Variants in DEPTOR observed in about 807,000 individuals in gnomAD.
The protein encoded by DEPTOR is DEP domain-containing mTOR-interacting protein.
A neutral mutation model predicts 41.6 loss-of-function variants in DEPTOR; 41 were observed. The observed-to-expected ratio is 0.98, with a 90% CI of 0.77 to 1.28. The LOEUF is 1.28. Among genes scored for constraint, DEPTOR ranks in the 50% most tolerant of loss-of-function variants. DEPTOR has a pLI of 0.00. For synonymous variants in DEPTOR, 195 were observed against 192.3 expected, an observed-to-expected ratio of 1.01 and a Z score of -0.12; for missense variants, 514 against 527.9, an observed-to-expected ratio of 0.97 and a Z score of 0.26.
At chr8:120,003,458 G>A (rs1488742509) in intron 6 of DEPTOR, among the ~76,000 whole-genome samples, 1 of 152,118 alleles carries the variant, frequency 6.6e-6, no homozygotes, top group Non-Finnish European at 1.5e-5. Flanking sequence ...CATGACCTTG[G>A]GCAAAGCAGG....
intron 8 of DEPTOR, among the ~76,000 whole-genome samples, chr8:120,033,824 T>G (rs1338297816): frequency 6.6e-6 from 1 of 152,206 alleles, no homozygotes; most frequent in African/African-American, 2.4e-5. Flanking sequence ...GAGTGACTTC[T>G]TGAACTGAGT....
chr8:119,949,626 T>C (rs1828327584), intron 3 of DEPTOR, among the ~76,000 whole-genome samples: 1 of 152,214 alleles, frequency 6.6e-6, no homozygotes, highest in South Asian at 2.1e-4. Flanking sequence ...TTCTATGTAA[T>C]TATTGGCTAA....
At chr8:119,883,887 C>T (rs1317739697) in intron 1 of DEPTOR, among the ~76,000 whole-genome samples, 1 of 152,166 alleles carries the variant, frequency 6.6e-6, no homozygotes, top group African/African-American at 2.4e-5. Flanking sequence ...GAAACTATTA[C>T]AGCTATAGAG....
chr8:120,016,066 A>C (rs1812607497), intron 8 of DEPTOR, among the ~76,000 whole-genome samples: 1 of 152,144 alleles, frequency 6.6e-6, no homozygotes, highest in Admixed American at 6.5e-5. Context: ...TGCTTTAAAA[A>C]CAAAAACTTC....
intron 1 of DEPTOR, among the ~76,000 whole-genome samples, chr8:119,919,440 A>G (rs865921672): frequency 2.3e-4 from 35 of 152,298 alleles, no homozygotes; most frequent in African/African-American, 7.9e-4. Flanking sequence ...TCATTTTTAT[A>G]TATATTTGAA....
chr8:119,931,606 C>A (rs1299979014), intron 3 of DEPTOR, among the ~76,000 whole-genome samples: 1 of 152,158 alleles, frequency 6.6e-6, no homozygotes, highest in African/African-American at 2.4e-5. Flanking sequence ...GTCTCCGTTT[C>A]TTGAGGTGGA....
intron 8 of DEPTOR, among the ~76,000 whole-genome samples, chr8:120,022,020 C>T (rs1382799398): frequency 6.6e-6 from 1 of 151,944 alleles, no homozygotes; most frequent in African/African-American, 2.4e-5. Flanking sequence ...CGTAGTCAGC[C>T]ACTACTGGCA....
rs534342442 is a variant in DEPTOR at position 119,880,141 on chromosome 8, C to CAAAATAAAATAAAATAAAAT, written c.122+6202_122+6221dup. Among the ~76,000 whole-genome samples, 919 of 139,200 alleles carry CAAAATAAAATAAAATAAAAT rather than the reference C, an allele frequency of 6.6e-3. 18 individuals are homozygous for CAAAATAAAATAAAATAAAAT. The highest frequency in any genetic ancestry group is 0.024 in the African/African-American group (849 of 36,060). The allele number at this position is 139,200 out of a possible 152,430, so 91.3% of individuals were successfully genotyped here. ...TGGGTGACAGAGCGGGACTCCGTCT[C>CAAAATAAAATAAAATAAAAT]AAAATAAAATAAAATAAAATAAAAT... On this transcript the variant is annotated intron_variant, in intron 1 of 8. Transcript: ENST00000286234.
chr8:120,000,752 C>T (rs556965234), intron 4 of DEPTOR, among the ~76,000 whole-genome samples: 67 of 152,030 alleles, frequency 4.4e-4, no homozygotes, highest in African/African-American at 1.6e-3. Context: ...CTTGAGCCAC[C>T]GCACCTGGCC....
At chr8:119,958,031 T>A (rs1328532093) in intron 3 of DEPTOR, among the ~76,000 whole-genome samples, 3 of 152,240 alleles carry the variant, frequency 2.0e-5, no homozygotes, top group Non-Finnish European at 4.4e-5. Context: ...TGTGGTTTCA[T>A]GTATCTTTGC....
chr8:119,957,012 C>G (rs543431098), intron 3 of DEPTOR, among the ~76,000 whole-genome samples: 1 of 152,196 alleles, frequency 6.6e-6, no homozygotes, highest in African/African-American at 2.4e-5. Context: ...GCTGGGATTA[C>G]AGGCATGATT....
At chr8:119,912,448 A>G (rs973379059) in intron 1 of DEPTOR, among the ~76,000 whole-genome samples, 1 of 152,232 alleles carries the variant, frequency 6.6e-6, no homozygotes, top group African/African-American at 2.4e-5. Flanking sequence ...GAATCAATAA[A>G]TGTGTTTCGG....
At chr8:119,951,579 G>T (rs1241632979) in intron 3 of DEPTOR, among the ~76,000 whole-genome samples, 1 of 152,276 alleles carries the variant, frequency 6.6e-6, no homozygotes, top group East Asian at 1.9e-4. Flanking sequence ...ACACTAAAAA[G>T]TTCTCATCTT....
intron 1 of DEPTOR, among the ~76,000 whole-genome samples, chr8:119,903,843 A>G (rs570990236): frequency 6.6e-6 from 1 of 152,114 alleles, no homozygotes; most frequent in South Asian, 2.1e-4. Context: ...CTGCATTTCG[A>G]ATTTGGTCTT....
intron 1 of DEPTOR, among the ~76,000 whole-genome samples, chr8:119,905,226 T>A (rs1283799519): frequency 6.6e-6 from 1 of 152,076 alleles, no homozygotes; most frequent in East Asian, 1.9e-4. Context: ...AGCATGAGAT[T>A]CCAGACAGCT....
chr8:119,882,032 A>G (rs1827304458), intron 1 of DEPTOR, among the ~76,000 whole-genome samples: 1 of 152,174 alleles, frequency 6.6e-6, no homozygotes, highest in African/African-American at 2.4e-5. Flanking sequence ...CTGGGATTAC[A>G]GGCAAGCGCC....
At chr8:120,031,323 A>G (rs1306505077) in intron 8 of DEPTOR, among the ~76,000 whole-genome samples, 1 of 152,014 alleles carries the variant, frequency 6.6e-6, no homozygotes, top group Non-Finnish European at 1.5e-5. Flanking sequence ...AAATTAGCCA[A>G]GTGTGGTGGT....
intron 8 of DEPTOR, among the ~76,000 whole-genome samples, chr8:120,022,268 C>T (rs769175375): frequency 1.3e-5 from 2 of 151,520 alleles, no homozygotes; most frequent in Non-Finnish European, 2.9e-5. Flanking sequence ...AAGTTCAAGC[C>T]CCATTGACTA....
At chr8:119,948,085 C>T (rs1828305547) in intron 3 of DEPTOR, among the ~76,000 whole-genome samples, 1 of 152,176 alleles carries the variant, frequency 6.6e-6, no homozygotes, top group African/African-American at 2.4e-5. Context: ...GTATTTCATT[C>T]TCTTGCTTCC....
Sources: allele counts gnomAD v4.1 joint callset (sites outside exome capture counted in the v4.1 genomes callset), GRCh38; gene constraint gnomAD v4.1.1; transcripts MANE v1.5; gene names NCBI Gene and HGNC (gene_info 2026-07-23, HGNC 2026-07-21).